TNRC6A: variants seen among roughly 807,000 people sequenced by gnomAD.
The protein encoded by TNRC6A is trinucleotide repeat containing adaptor 6A.
A neutral mutation model predicts 221.2 loss-of-function variants in TNRC6A; 44 were observed. That is an observed-to-expected ratio of 0.20 (90% CI 0.16 to 0.26). The LOEUF is 0.26. TNRC6A is among the 10% of genes least tolerant of loss of function. The pLI is 1.00. For synonymous variants in TNRC6A, 847 were observed against 838.5 expected (o/e 1.01, Z -0.18); for missense variants, 2,199 against 2,404.4 (o/e 0.91, Z 1.79).
chr16:24,776,808 T>G, intron 4 of TNRC6A, 125 bp from the exon 5 acceptor site: 1 of 1,495,420 alleles, frequency 6.7e-7, no homozygotes. Flanking sequence ...AGGATATCCC[T>G]GCTCACAGAA....
At chr16:24,754,710 A>AG (rs2057212429) in intron 3 of TNRC6A, among the ~76,000 whole-genome samples, 1 of 152,144 alleles carries the variant, frequency 6.6e-6, no homozygotes, top group African/African-American at 2.4e-5. Flanking sequence ...TTAATTATAG[A>AG]GGGGTAGTTT....
chr16:24,813,339 C>T (rs1469738544), intron 18 of TNRC6A, among the ~76,000 whole-genome samples: 2 of 152,294 alleles, frequency 1.3e-5, no homozygotes, highest in Non-Finnish European at 2.9e-5. Flanking sequence ...ACCCTTGCCA[C>T]CCTCCCCACT....
In TNRC6A at chr16:24,823,559, C is replaced by T. The variant is rs747425122; in HGVS notation, c.5641C>T (p.Arg1881Trp). ...GWQSLGSSQS[R>W]LGSLDCSHSF... Reference sequence around the variant, plus strand: ...GCAGTCTCTCGGGTCCAGCCAGAGCCGGCTGGGCTCCCTCGACTGTTCCCA... The same window carrying T: ...GCAGTCTCTCGGGTCCAGCCAGAGCTGGCTGGGCTCCCTCGACTGTTCCCA... The change falls in exon 25 of 25, where the codon CGG becomes TGG. Residue 1881 changes from arginine to tryptophan, a missense_variant. Physicochemically the swap from Arg to Trp is moderately radical, Grantham distance 101. Transcript: ENST00000395799. The surrounding 1 kb of genome is among the most constrained non-coding windows in gnomAD (Gnocchi z 4.3). 6.2e-7 allele frequency: 1 copy of T among 1,614,172 alleles called. No homozygotes were observed. The highest frequency in any genetic ancestry group is 8.5e-7 in the Non-Finnish European group (1 of 1,180,030).
At position 24,775,421 on chromosome 16, in the gene TNRC6A, A is replaced by G. The variant is rs915881960; in HGVS notation, c.164-1512A>G. Among the ~76,000 whole-genome samples, 7 of 152,316 alleles carry G rather than the reference A, an allele frequency of 4.6e-5. No individual in the cohort carries two copies. In the East Asian group the frequency reaches 1.3e-3, roughly 29 times the overall value. On this transcript the variant is annotated intron_variant, in intron 4 of 24. Transcript: ENST00000395799. The stretch of plus-strand genomic sequence containing the variant: ...AAAAAAAAAGAGGCTAAGATCATAT[A>G]TTATATTAAAAAAGTATAAATGACA...
intron 2 of TNRC6A, among the ~76,000 whole-genome samples, chr16:24,733,903 C>T (rs1347274018): frequency 6.6e-6 from 1 of 152,192 alleles, no homozygotes; most frequent in Non-Finnish European, 1.5e-5. Flanking sequence ...AGGCTGGACC[C>T]AGTGGCTAAC....
chr16:24,763,107 A>G lies in TNRC6A; in HGVS notation c.163+4747A>G, dbSNP rs1374072974. Among the ~76,000 whole-genome samples, 5 of 152,198 alleles carry G rather than the reference A, an allele frequency of 3.3e-5. No individual in the cohort carries two copies. The South Asian group carries it at 8.3e-4, about 25-fold the overall frequency. ...CATCTTTGGTTGTTGATGAAAATGA[A>G]CAAGAGTTTTGAGAGCCAAGCAAGC... On this transcript the variant is annotated intron_variant, in intron 4 of 24. Coordinates refer to ENST00000395799, the MANE Select transcript of TNRC6A (RefSeq NM_014494.4).
intron 20 of TNRC6A, among the ~76,000 whole-genome samples, chr16:24,817,364 T>A (rs1157338196): frequency 2.6e-5 from 4 of 152,224 alleles, no homozygotes; most frequent in Admixed American, 6.5e-5. Context: ...TATACTGAGT[T>A]ACAAGATTAT....
At chr16:24,656,658 A>G in intron 2 of TNRC6A, among the ~76,000 whole-genome samples, 1 of 152,158 alleles carries the variant, frequency 6.6e-6, no homozygotes, top group Admixed American at 6.5e-5. Context: ...GTTAACAAAA[A>G]GGGCAAAATA....
At chr16:24,654,136 T>G (rs1596602451) in intron 2 of TNRC6A, among the ~76,000 whole-genome samples, 1 of 152,154 alleles carries the variant, frequency 6.6e-6, no homozygotes, top group Non-Finnish European at 1.5e-5. Context: ...CACTCAAATT[T>G]GGTGCACTCA....
chr16:24,648,477 A>G (rs802766), intron 2 of TNRC6A, among the ~76,000 whole-genome samples: 105,662 of 151,538 alleles, frequency 0.7, 40,912 homozygotes, highest in Non-Finnish European at 0.87. Context: ...TCACCGTGTT[A>G]GCCAGGATGG....
chr16:24,792,027 T>C lies in TNRC6A; in HGVS notation c.3175+210T>C, dbSNP rs996524014. Among the ~76,000 whole-genome samples, 4 of 152,162 alleles carry C rather than the reference T, an allele frequency of 2.6e-5. No individual in the cohort carries two copies. In the East Asian group the frequency reaches 7.7e-4, roughly 29 times the overall value. On this transcript the variant is annotated intron_variant, in intron 6 of 24. Transcript: ENST00000395799. ...TGAGTCCTGCACACTTCATTCTCTATTAGAAATGCAAGAGAAGGCGAATTG... is the reference window on the plus strand; with the variant it reads ...TGAGTCCTGCACACTTCATTCTCTACTAGAAATGCAAGAGAAGGCGAATTG...
intron 2 of TNRC6A, among the ~76,000 whole-genome samples, chr16:24,715,237 TTTTA>T (rs2056290275): frequency 6.6e-6 from 1 of 152,098 alleles, no homozygotes; most frequent in Non-Finnish European, 1.5e-5. Context: ...CTTTTAAAAC[TTTTA>T]TTTTTTAATT....
Position 24,729,672 on chromosome 16 carries a change from G to GCGA in TNRC6A, c.-168_-167insACG. 1.4e-6 allele frequency: 1 copy of GCGA among 701,202 alleles called. No homozygotes were observed. The highest frequency in any genetic ancestry group is 2.0e-6 in the Non-Finnish European group (1 of 509,932). 43.4% of individuals were successfully genotyped at this position (701,202 alleles called of 1,614,324 possible). ...ATTCACTTCCGGTCTGGGGCCTGCG[G>GCGA]CGGCGGCGGTGTCGGCGGCGGCGGC... On this transcript the variant is annotated 5_prime_UTR_variant, in exon 1 of 25. Transcript: ENST00000395799.
intron 11 of TNRC6A, among the ~76,000 whole-genome samples, chr16:24,798,661 A>G (rs1252339612): frequency 2.0e-5 from 3 of 152,236 alleles, no homozygotes; most frequent in Non-Finnish European, 2.9e-5. Flanking sequence ...ATCTAATTCC[A>G]TGGAGACATA....
intron 18 of TNRC6A, among the ~76,000 whole-genome samples, chr16:24,812,927 G>A (rs11642954): frequency 0.18 from 25,285 of 138,652 alleles, 2,339 homozygotes; most frequent in Middle Eastern, 0.22. Flanking sequence ...CGAGGCTGGA[G>A]TGCAGTGGCA....
At chr16:24,684,421 C>T (rs1345327648) in intron 2 of TNRC6A, among the ~76,000 whole-genome samples, 1 of 151,822 alleles carries the variant, frequency 6.6e-6, no homozygotes, top group African/African-American at 2.4e-5. Flanking sequence ...AAAAACATAA[C>T]ACAATTTTAT....
At chr16:24,805,555 T>C (rs755381536) in intron 14 of TNRC6A, 50 bp from the exon 15 acceptor site, 1 of 1,607,250 alleles carries the variant, frequency 6.2e-7, no homozygotes, top group South Asian at 1.1e-5. Context: ...TACGTGTAGT[T>C]AGTGTGAGTT....
chr16:24,783,203 A>C (rs1263478673), intron 5 of TNRC6A, among the ~76,000 whole-genome samples: 1 of 151,574 alleles, frequency 6.6e-6, no homozygotes, highest in Non-Finnish European at 1.5e-5. Context: ...ATCTCTGCTC[A>C]CTGCAACCTC....
chr16:24,688,794 G>A (rs1415879547), intron 2 of TNRC6A, among the ~76,000 whole-genome samples: 1 of 152,188 alleles, frequency 6.6e-6, no homozygotes, highest in Non-Finnish European at 1.5e-5. Flanking sequence ...CAAGGGAAAT[G>A]CACCCAGAGT....
Sources: gnomAD v4.1 joint callset for allele counts (sites outside exome capture counted in the v4.1 genomes callset) on GRCh38, gnomAD v4.1.1 for gene constraint, Gnocchi (gnomAD v3.1) non-coding constraint, MANE v1.5 for transcripts, NCBI Gene and HGNC (gene_info 2026-07-23, HGNC 2026-07-21) for gene names.